The following MYT1L variants were observed in gnomAD, a reference collection of about 807,000 sequenced individuals.
MYT1L encodes the protein myelin transcription factor 1 like.
A neutral mutation model predicts 126.7 loss-of-function variants in MYT1L; 12 were observed. The ratio of observed to expected loss-of-function variants is 0.09; its 90% CI spans 0.06 to 0.15. MYT1L has a LOEUF of 0.15. Ranked by LOEUF, MYT1L falls within the 10% of genes least tolerant of loss-of-function variation. The pLI is 1.00. For missense variants in MYT1L, 979 were observed against 1,585.2 expected (o/e 0.62, Z 6.49); for synonymous variants, 541 against 604.2 (o/e 0.90, Z 1.53).
chr2:1,881,906 TG>T (rs1332112010), intron 18 of MYT1L, among the ~76,000 whole-genome samples: 3 of 152,012 alleles, frequency 2.0e-5, no homozygotes, highest in Admixed American at 6.5e-5. Context: ...GCATGAAGCG[TG>T]GGGAAGATTC....
chr2:2,156,443 T>C (rs2086743571), intron 3 of MYT1L, among the ~76,000 whole-genome samples: 1 of 152,234 alleles, frequency 6.6e-6, no homozygotes, highest in South Asian at 2.1e-4. Context: ...TATCCTCGCA[T>C]AGCAAGAGAG....
intron 3 of MYT1L, among the ~76,000 whole-genome samples, chr2:2,141,421 C>T (rs2083958293): frequency 6.6e-6 from 1 of 152,174 alleles, no homozygotes; most frequent in African/African-American, 2.4e-5. Flanking sequence ...TAAACCAATA[C>T]AGAGAACACA....
chr2:2,064,154 A>T (rs2070914189), intron 3 of MYT1L, among the ~76,000 whole-genome samples: 1 of 152,194 alleles, frequency 6.6e-6, no homozygotes, highest in Non-Finnish European at 1.5e-5. Flanking sequence ...GGCTATAGAA[A>T]ATGGCAAGTG....
intron 5 of MYT1L, among the ~76,000 whole-genome samples, chr2:1,981,393 A>C (rs1023101377): frequency 2.6e-5 from 4 of 152,200 alleles, no homozygotes; most frequent in Non-Finnish European, 5.9e-5. Flanking sequence ...ATGCTCGGGG[A>C]AAGCTGTGAT....
chr2:2,124,315 A>G (rs76937126), intron 3 of MYT1L, among the ~76,000 whole-genome samples: 1 of 151,574 alleles, frequency 6.6e-6, no homozygotes, highest in African/African-American at 2.4e-5. Flanking sequence ...TTTTTTTTTT[A>G]GATGGAGTCT....
intron 2 of MYT1L, among the ~76,000 whole-genome samples, chr2:2,195,896 G>GAT (rs1038606114): frequency 3.3e-5 from 5 of 151,900 alleles, no homozygotes; most frequent in African/African-American, 7.2e-5. Context: ...AAGAATATAA[G>GAT]ATATATATAA....
chr2:2,184,875 G>A (rs570991825), intron 2 of MYT1L, among the ~76,000 whole-genome samples: 1 of 152,340 alleles, frequency 6.6e-6, no homozygotes, highest in South Asian at 2.1e-4. Context: ...CCCGCCAAGA[G>A]AGGCCGCAGC....
At chr2:1,843,798 T>A (rs1245425944) in intron 19 of MYT1L, among the ~76,000 whole-genome samples, 3 of 152,162 alleles carry the variant, frequency 2.0e-5, no homozygotes, top group African/African-American at 7.2e-5. Flanking sequence ...CCTGAGTCAC[T>A]CCCTGTGGAC....
intron 8 of MYT1L, among the ~76,000 whole-genome samples, chr2:1,962,305 A>G (rs531165916): frequency 1.2e-4 from 19 of 152,382 alleles, no homozygotes; most frequent in African/African-American, 4.1e-4. Context: ...ATATTTGACA[A>G]AAAGTTATGG....
At chr2:1,833,268 C>T (rs1308333662) in intron 21 of MYT1L, among the ~76,000 whole-genome samples, 6 of 152,116 alleles carry the variant, frequency 3.9e-5, no homozygotes, top group South Asian at 2.1e-4. Context: ...GTTCTGGGCT[C>T]GGGGAGTGAG....
intron 4 of MYT1L, among the ~76,000 whole-genome samples, chr2:2,005,756 G>A (rs542282489): frequency 6.5e-5 from 9 of 138,688 alleles, no homozygotes; most frequent in Non-Finnish European, 9.2e-5. Flanking sequence ...TCCTGCAGGC[G>A]TTCTTTCCTG....
intron 2 of MYT1L, among the ~76,000 whole-genome samples, chr2:2,268,736 G>A (rs969561031): frequency 6.6e-6 from 1 of 152,126 alleles, no homozygotes; most frequent in Non-Finnish European, 1.5e-5. Flanking sequence ...ATAACCCGCG[G>A]CAGTTGTTAA....
chr2:2,281,089 A>C (rs910891253), intron 2 of MYT1L, among the ~76,000 whole-genome samples: 10 of 152,244 alleles, frequency 6.6e-5, no homozygotes, highest in African/African-American at 2.2e-4. Flanking sequence ...ACCTGGTGGG[A>C]GGTAATTGAA....
intron 2 of MYT1L, among the ~76,000 whole-genome samples, chr2:2,265,140 G>C (rs2095092109): frequency 6.6e-6 from 1 of 150,786 alleles, no homozygotes; most frequent in South Asian, 2.1e-4. Flanking sequence ...AAATTCTCCT[G>C]CCTCAGCCTC....
chr2:2,009,250 T>C (rs920452828), intron 4 of MYT1L, among the ~76,000 whole-genome samples: 1 of 152,276 alleles, frequency 6.6e-6, no homozygotes, highest in East Asian at 1.9e-4. Context: ...ATTGTTGCTA[T>C]TGAAGATTTT....
intron 3 of MYT1L, among the ~76,000 whole-genome samples, chr2:2,136,183 G>A (rs2083032604): frequency 6.6e-6 from 1 of 152,130 alleles, no homozygotes; most frequent in African/African-American, 2.4e-5. Flanking sequence ...TGACTCTGCT[G>A]GGAAACAGAA....
At chr2:1,809,532 T>C (rs1449343778) in intron 21 of MYT1L, among the ~76,000 whole-genome samples, 1 of 152,118 alleles carries the variant, frequency 6.6e-6, no homozygotes, top group Non-Finnish European at 1.5e-5. Context: ...AAATCTTTAT[T>C]ATGGAAAGCA....
At chr2:1,930,727 A>G (rs1295809569) in intron 9 of MYT1L, among the ~76,000 whole-genome samples, 3 of 152,200 alleles carry the variant, frequency 2.0e-5, no homozygotes, top group Non-Finnish European at 4.4e-5. Flanking sequence ...TGCTGTCTGG[A>G]ATATGATTTC....
intron 21 of MYT1L, among the ~76,000 whole-genome samples, chr2:1,821,686 C>T (rs1211371585): frequency 2.6e-5 from 4 of 152,204 alleles, no homozygotes; most frequent in Non-Finnish European, 5.9e-5. Context: ...GACATTGGTG[C>T]CTGGAGGCCC....
Sources: gnomAD v4.1 joint callset for allele counts (sites outside exome capture counted in the v4.1 genomes callset) on GRCh38, gnomAD v4.1.1 for gene constraint, MANE v1.5 for transcripts, NCBI Gene and HGNC (gene_info 2026-07-23, HGNC 2026-07-21) for gene names.